SLC30A8: variants seen among roughly 807,000 people sequenced by gnomAD.
The protein encoded by SLC30A8 is solute carrier family 30 member 8.
SLC30A8 carries 27 observed loss-of-function variants against 36.9 expected under a neutral mutation model. The ratio of observed to expected loss-of-function variants is 0.73; its 90% confidence interval spans 0.54 to 1.01. SLC30A8 has a LOEUF of 1.01. Ranked by LOEUF, SLC30A8 falls within the 50% of genes least tolerant of loss-of-function variation. SLC30A8 has a pLI of 0.00. For synonymous variants in SLC30A8, 164 were observed against 172.4 expected (o/e 0.95, Z 0.38); for missense variants, 439 against 452.0 (o/e 0.97, Z 0.26).
At chr8:117,131,196 A>G (rs1821124212), upstream of SLC30A8, among the ~76,000 whole-genome samples, 1 of 152,010 alleles carries the variant, frequency 6.6e-6, no homozygotes, top group Non-Finnish European at 1.5e-5. Flanking sequence ...TTTGTGTTTT[A>G]TACATATTTA....
intron 6 of SLC30A8, among the ~76,000 whole-genome samples, chr8:117,164,408 C>CA (rs34433350): frequency 6.6e-6 from 1 of 151,528 alleles, no homozygotes; most frequent in Non-Finnish European, 1.5e-5. Context: ...CTCGTCTCAA[C>CA]AAAAAAATGC....
chr8:116,981,284 A>G (rs547494965), intron 1 of SLC30A8, among the ~76,000 whole-genome samples: 2 of 152,318 alleles, frequency 1.3e-5, no homozygotes, highest in African/African-American at 4.8e-5. Flanking sequence ...TGGAAGCTAC[A>G]TGACTTTTCT....
chr8:116,963,973 G>A (rs1286885365), intron 1 of SLC30A8, among the ~76,000 whole-genome samples: 1 of 152,146 alleles, frequency 6.6e-6, no homozygotes, highest in African/African-American at 2.4e-5. Context: ...AATAACCTTT[G>A]TGAAACGTTA....
At chr8:117,036,346 T>G (rs1268425087) in intron 1 of SLC30A8, among the ~76,000 whole-genome samples, 1 of 152,216 alleles carries the variant, frequency 6.6e-6, no homozygotes, top group African/African-American at 2.4e-5. Flanking sequence ...CTCTCCAAAC[T>G]GTTCCAGCCT....
chr8:117,076,590 A>G (rs1818495423), intron 2 of SLC30A8, among the ~76,000 whole-genome samples: 1 of 152,212 alleles, frequency 6.6e-6, no homozygotes, highest in Middle Eastern at 3.2e-3. Context: ...CCAGGCTATT[A>G]TTAATTAAAC....
chr8:117,171,202 T>G, intron 7 of SLC30A8, 34 bp downstream of exon 7: 1 of 1,610,114 alleles, frequency 6.2e-7, no homozygotes, highest in Non-Finnish European at 8.5e-7. Flanking sequence ...TGGAAAAAAT[T>G]CAGTCCTTGT....
At chr8:117,051,410 A>G (rs927134385) in intron 2 of SLC30A8, among the ~76,000 whole-genome samples, 1 of 152,214 alleles carries the variant, frequency 6.6e-6, no homozygotes, top group African/African-American at 2.4e-5. Context: ...GCGGGGCCTC[A>G]TGGGAGATGC....
chr8:117,040,648 G>T (rs1817356103), intron 2 of SLC30A8, among the ~76,000 whole-genome samples: 1 of 152,164 alleles, frequency 6.6e-6, no homozygotes, highest in Non-Finnish European at 1.5e-5. Flanking sequence ...AAATGGTAAT[G>T]AAATGAATTC....
chr8:117,008,001 A>G (rs1045268990), intron 1 of SLC30A8, among the ~76,000 whole-genome samples: 25 of 152,204 alleles, frequency 1.6e-4, no homozygotes, highest in African/African-American at 5.5e-4. Flanking sequence ...CATCAATTCT[A>G]CATTCAACCT....
intron 3 of SLC30A8, among the ~76,000 whole-genome samples, chr8:117,157,278 G>A (rs1222691641): frequency 1.3e-5 from 2 of 152,068 alleles, no homozygotes; most frequent in Admixed American, 6.5e-5. Flanking sequence ...GCACTGGCAG[G>A]TCGTAAATTT....
intron 1 of SLC30A8, among the ~76,000 whole-genome samples, chr8:116,982,729 TCA>T (rs1454449235): frequency 1.3e-5 from 2 of 152,112 alleles, no homozygotes; most frequent in Non-Finnish European, 2.9e-5. Flanking sequence ...AAATAATCTC[TCA>T]CACGTGAAAC....
intron 1 of SLC30A8, among the ~76,000 whole-genome samples, chr8:117,021,701 G>C (rs1032981112): frequency 6.6e-6 from 1 of 152,038 alleles, no homozygotes; most frequent in African/African-American, 2.4e-5. Flanking sequence ...AAAATCCAAG[G>C]GAATCTCAAG....
rs574773610 is a variant in SLC30A8, at chr8:117,146,850, T to A, written c.72-104T>A. ...CTGCAAATGAACACTTCATAGCAAG[T>A]AAGCAAATGTCCTAATAGCGGTTCC... On this transcript the variant is annotated intron_variant, in intron 1 of 7. Transcript: ENST00000456015. 156 of 1,529,230 alleles carry A rather than the reference T, an allele frequency of 1.0e-4. No individual in the cohort carries two copies. The highest frequency in any genetic ancestry group is 2.4e-5 in the Non-Finnish European group (27 of 1,134,492). The allele number at this position is 1,529,230 out of a possible 1,614,324, so 94.7% of individuals were successfully genotyped here.
chr8:117,058,811 C>T (rs1817946285), intron 2 of SLC30A8, among the ~76,000 whole-genome samples: 1 of 152,182 alleles, frequency 6.6e-6, no homozygotes, highest in Non-Finnish European at 1.5e-5. Context: ...GGAATCCACA[C>T]ACACACCCAC....
chr8:117,056,511 G>A (rs1400833964), intron 2 of SLC30A8, among the ~76,000 whole-genome samples: 1 of 150,440 alleles, frequency 6.6e-6, no homozygotes, highest in Non-Finnish European at 1.5e-5. Flanking sequence ...CCCAGGATAA[G>A]TACAAGCATG....
chr8:117,032,580 A>G (rs2130742270), intron 1 of SLC30A8, among the ~76,000 whole-genome samples: 1 of 152,244 alleles, frequency 6.6e-6, no homozygotes, highest in South Asian at 2.1e-4. Context: ...AAAATTCTAA[A>G]ACTCTTTAGA....
intron 1 of SLC30A8, among the ~76,000 whole-genome samples, chr8:117,017,427 C>T (rs1734283248): frequency 6.6e-6 from 1 of 152,142 alleles, no homozygotes; most frequent in South Asian, 2.1e-4. Context: ...CATTTCATTT[C>T]TGTATTTTCT....
chr8:117,043,458 A>G (rs1817453249), intron 2 of SLC30A8, among the ~76,000 whole-genome samples: 1 of 152,228 alleles, frequency 6.6e-6, no homozygotes. Flanking sequence ...AATAATCACA[A>G]AAGTGAGAGA....
rs1214347918 is a variant in SLC30A8 at position 117,174,351 on chromosome 8, A to G, written c.*1670A>G. ...AAGAAAACATTGACTTTGACTGAGG[A>G]GGTCACATCTGTGCCATCTCTGCAA... On this transcript the variant is annotated 3_prime_UTR_variant, in exon 8 of 8. Coordinates refer to ENST00000456015, the MANE Select transcript of SLC30A8 (RefSeq NM_173851.3). 6.6e-6 allele frequency: 1 copy of G among 152,456 alleles called. No individual in the cohort carries two copies. The highest frequency in any genetic ancestry group is 1.5e-5 in the Non-Finnish European group (1 of 67,998). 9.4% of individuals were successfully genotyped at this position (152,456 alleles called of 1,614,324 possible).
Sources: gnomAD v4.1 joint callset for allele counts (sites outside exome capture counted in the v4.1 genomes callset) on GRCh38, gnomAD v4.1.1 for gene constraint, MANE v1.5 for transcripts, NCBI Gene and HGNC (gene_info 2026-07-23, HGNC 2026-07-21) for gene names.